FSHR: variants seen among roughly 807,000 people sequenced by gnomAD.
FSHR encodes the protein follicle stimulating hormone receptor, also known as follicle-stimulating hormone receptor.
FSHR carries 46 observed loss-of-function variants against 52.1 expected under a neutral mutation model. That is an observed-to-expected ratio of 0.88 (90% confidence interval 0.70 to 1.13). The LOEUF (loss-of-function observed/expected upper bound fraction) is 1.13, where lower values mean the gene tolerates loss of function less well. FSHR is among the 50% of genes most tolerant of loss of function. FSHR has a pLI of 0.00. For missense variants in FSHR, 964 were observed against 834.6 expected (o/e 1.16, Z -1.91); for synonymous variants, 399 against 309.6 (o/e 1.29, Z -3.03).
At chr2:49,020,197 G>T (rs755948857) in intron 2 of FSHR, 37 bp from the exon 3 acceptor site, 2 of 1,508,486 alleles carry the variant, frequency 1.3e-6, no homozygotes, top group Non-Finnish European at 9.2e-7. Context: ...AGCCAGTTCA[G>T]TTACACTCCT....
At chr2:48,998,648 C>T (rs1335483664) in intron 4 of FSHR, among the ~76,000 whole-genome samples, 1 of 151,916 alleles carries the variant, frequency 6.6e-6, no homozygotes, top group Non-Finnish European at 1.5e-5. Context: ...AGTATGATGA[C>T]TCAGCGACTA....
intron 2 of FSHR, among the ~76,000 whole-genome samples, chr2:49,049,272 C>T (rs1558410621): frequency 6.6e-6 from 1 of 152,098 alleles, no homozygotes; most frequent in African/African-American, 2.4e-5. Context: ...ACACAGCTTG[C>T]TTTGTCAAGG....
At chr2:49,130,547 T>G (rs573773283) in intron 1 of FSHR, among the ~76,000 whole-genome samples, 1 of 152,238 alleles carries the variant, frequency 6.6e-6, no homozygotes, top group East Asian at 1.9e-4. Context: ...TTGAATTTAG[T>G]GCAAGTCATT....
At chr2:48,995,959 C>T (rs1676007478) in intron 4 of FSHR, among the ~76,000 whole-genome samples, 1 of 152,102 alleles carries the variant, frequency 6.6e-6, no homozygotes, top group African/African-American at 2.4e-5. Flanking sequence ...CCACAGAGTT[C>T]ATGCTATGGC....
Position 48,978,494 on chromosome 2 carries a change from A to G in FSHR, c.668+4418T>C, listed in dbSNP as rs573737068. Among the ~76,000 whole-genome samples, 226 of 152,400 alleles carry G rather than the reference A, an allele frequency of 1.5e-3. 4 individuals are homozygous for G. In the South Asian group the frequency reaches 0.046, roughly 31 times the overall value. ...CTGAACTATCAAATGAATCTGAGCT[A>G]TAGCCAAATCAATTTGATAAACCAT... is the stretch of plus-strand genomic sequence containing the variant. On this transcript the variant is annotated intron_variant, in intron 8 of 9. Coordinates refer to ENST00000406846, the MANE Select transcript of FSHR (RefSeq NM_000145.4).
chr2:49,005,558 C>T (rs1667048237), intron 4 of FSHR, among the ~76,000 whole-genome samples: 1 of 152,046 alleles, frequency 6.6e-6, no homozygotes, highest in South Asian at 2.1e-4. Context: ...TGCAAGATGA[C>T]TCTGTGTGGG....
chr2:48,975,576 C>T (rs1370783257), intron 8 of FSHR, among the ~76,000 whole-genome samples: 1 of 152,168 alleles, frequency 6.6e-6, no homozygotes, highest in Admixed American at 6.5e-5. Context: ...GGTTCTCCAG[C>T]TTGCAGATAG....
At chr2:48,977,126 C>G (rs79110705) in intron 8 of FSHR, among the ~76,000 whole-genome samples, 4,363 of 97,998 alleles carry the variant, frequency 0.045, 187 homozygotes, top group African/African-American at 0.24. Context: ...CCCCTCTCCT[C>G]TCTCTCTCTC....
chr2:49,083,773 T>A (rs1670265836), intron 1 of FSHR, among the ~76,000 whole-genome samples: 2 of 145,884 alleles, frequency 1.4e-5, no homozygotes. Context: ...GGTAAAGGGA[T>A]CAATTCAACA....
rs191742328 is a variant in FSHR at position 49,051,594 on chromosome 2, T to A, written c.224+16625A>T. On this transcript the variant is annotated intron_variant, in intron 2 of 9. Coordinates refer to ENST00000406846, the MANE Select transcript of FSHR (RefSeq NM_000145.4). ...ATATGTTCTTGATACAAGTCCTTTT[T>A]CAGATATATGTATTGCAGATATTTT... 3.9e-5 allele frequency among the ~76,000 whole-genome samples: 6 copies of A among 152,244 alleles called. No homozygotes were observed. The East Asian group carries it at 9.6e-4, about 24-fold the overall frequency.
intron 1 of FSHR, among the ~76,000 whole-genome samples, chr2:49,099,636 A>G (rs922375730): frequency 2.6e-5 from 4 of 152,156 alleles, no homozygotes; most frequent in African/African-American, 4.8e-5. Flanking sequence ...AAAATAGAAA[A>G]TAGACATACA....
chr2:48,986,376 C>G (rs1675515591), intron 6 of FSHR, among the ~76,000 whole-genome samples: 1 of 146,388 alleles, frequency 6.8e-6, no homozygotes, highest in South Asian at 2.1e-4. Flanking sequence ...CAACAGTCAT[C>G]AGCGCCATTT....
At chr2:49,081,236 G>T (rs757298222) in intron 1 of FSHR, among the ~76,000 whole-genome samples, 8 of 151,826 alleles carry the variant, frequency 5.3e-5, no homozygotes, top group Non-Finnish European at 1.0e-4. Context: ...TTTAAAACAG[G>T]ATTAAAGATG....
At chr2:49,036,428 T>G (rs1410143923) in intron 2 of FSHR, among the ~76,000 whole-genome samples, 2 of 151,588 alleles carry the variant, frequency 1.3e-5, no homozygotes, top group African/African-American at 4.8e-5. Flanking sequence ...TATGGATATA[T>G]TTTATATATA....
At position 49,032,975 on chromosome 2, in the gene FSHR, T is replaced by G. The variant is rs77897778; in HGVS notation, c.225-12815A>C. Among the ~76,000 whole-genome samples, 695 of 152,366 alleles carry G rather than the reference T, an allele frequency of 4.6e-3. 3 individuals carry two copies. The highest frequency in any genetic ancestry group is 0.015 in the African/African-American group (633 of 41,574). ...GGACCAATTTATTACATCAAATCCT[T>G]ACTTAGATTTCAGAATTCATTTGAA... On this transcript the variant is annotated intron_variant, in intron 2 of 9. Coordinates refer to ENST00000406846, the MANE Select transcript of FSHR (RefSeq NM_000145.4).
chr2:49,143,741 A>G (rs1291636421), intron 1 of FSHR, among the ~76,000 whole-genome samples: 5 of 152,286 alleles, frequency 3.3e-5, no homozygotes, highest in African/African-American at 9.6e-5. Flanking sequence ...CTGAATTAAA[A>G]TCTGCATTCC....
At chr2:49,130,843 G>A (rs1672238219) in intron 1 of FSHR, among the ~76,000 whole-genome samples, 1 of 152,098 alleles carries the variant, frequency 6.6e-6, no homozygotes, top group Admixed American at 6.6e-5. Context: ...TTCCCTGGAG[G>A]GTGTAGGAGA....
intron 2 of FSHR, among the ~76,000 whole-genome samples, chr2:49,053,804 C>T (rs1435563372): frequency 6.6e-6 from 1 of 152,134 alleles, no homozygotes; most frequent in African/African-American, 2.4e-5. Flanking sequence ...GGGAATTTTT[C>T]CCAATCATTT....
At chr2:49,000,691 A>G (rs1007211901) in intron 4 of FSHR, among the ~76,000 whole-genome samples, 2 of 152,092 alleles carry the variant, frequency 1.3e-5, no homozygotes, top group Admixed American at 6.6e-5. Context: ...TTCCCTTCCT[A>G]TTCCTGTACC....
Sources: gnomAD v4.1 joint callset for allele counts (sites outside exome capture counted in the v4.1 genomes callset) on GRCh38, gnomAD v4.1.1 for gene constraint, MANE v1.5 for transcripts, NCBI Gene and HGNC (gene_info 2026-07-23, HGNC 2026-07-21) for gene names.